IGF2BP3: variants seen among roughly 807,000 people sequenced by gnomAD.
The protein encoded by IGF2BP3 is insulin like growth factor 2 mRNA binding protein 3, also known as insulin-like growth factor 2 mRNA-binding protein 3.
IGF2BP3 carries 9 observed loss-of-function variants against 73.8 expected under a neutral mutation model. That is an observed-to-expected ratio of 0.12 (90% CI 0.07 to 0.21). The LOEUF is 0.21. Among genes scored for constraint, IGF2BP3 ranks in the 10% least tolerant of loss-of-function variants. The pLI is 1.00. For missense variants in IGF2BP3, 542 were observed against 714.0 expected (o/e 0.76, Z 2.75); for synonymous variants, 258 against 256.7 (o/e 1.01, Z -0.05).
intron 3 of IGF2BP3, among the ~76,000 whole-genome samples, chr7:23,412,344 T>C (rs1270317111): frequency 6.6e-6 from 1 of 152,214 alleles, no homozygotes; most frequent in East Asian, 1.9e-4. Flanking sequence ...CCTCACTTAA[T>C]ACTCATCTTC....
chr7:23,336,922 T>A (rs950361720), intron 10 of IGF2BP3, among the ~76,000 whole-genome samples: 3 of 150,992 alleles, frequency 2.0e-5, no homozygotes, highest in African/African-American at 7.3e-5. Context: ...CACTCCACCC[T>A]GGGTGACAGG....
Position 23,418,878 on chromosome 7 carries a change from T to C in IGF2BP3, c.237-54A>G, listed in dbSNP as rs1787267053. ...AGAAAAAAACATAAAAGCAAAACAATAATAGCCAACATGGAAGTTTAGAAA... is the reference window on the plus strand; with the variant it reads ...AGAAAAAAACATAAAAGCAAAACAACAATAGCCAACATGGAAGTTTAGAAA... On this transcript the variant is annotated intron_variant, in intron 2 of 14. Coordinates refer to ENST00000258729, the MANE Select transcript of IGF2BP3 (RefSeq NM_006547.3). The C allele has an allele frequency of 5.2e-6, 6 of 1,152,406 alleles. No individual in the cohort carries two copies. The Admixed American group carries it at 8.6e-5, about 16-fold the overall frequency. 71.4% of individuals were successfully genotyped at this position (1,152,406 alleles called of 1,614,324 possible). A position where few individuals can be genotyped will look rare whatever the true frequency, so the allele number is the denominator to read the frequency against.
intron 2 of IGF2BP3, among the ~76,000 whole-genome samples, chr7:23,453,247 AAAC>A (rs1271778239): frequency 6.6e-6 from 1 of 152,258 alleles, no homozygotes; most frequent in Non-Finnish European, 1.5e-5. Flanking sequence ...AAGCACTTTT[AAAC>A]AAGAAGAAAA....
At chr7:23,375,994 T>C (rs1196952423) in intron 3 of IGF2BP3, among the ~76,000 whole-genome samples, 1 of 152,200 alleles carries the variant, frequency 6.6e-6, no homozygotes. Flanking sequence ...GAATTGAATT[T>C]AGCATGAGCA....
chr7:23,335,437 C>A (rs569523176), intron 10 of IGF2BP3, among the ~76,000 whole-genome samples: 1 of 151,924 alleles, frequency 6.6e-6, no homozygotes, highest in South Asian at 2.1e-4. Flanking sequence ...AAGGCCACCA[C>A]CCCCGGCTAA....
At chr7:23,345,384 A>G (rs1452805927) in intron 8 of IGF2BP3, among the ~76,000 whole-genome samples, 2 of 152,228 alleles carry the variant, frequency 1.3e-5, no homozygotes, top group Admixed American at 6.5e-5. Context: ...AGGCTATGTC[A>G]TAAAAGACAT....
At chr7:23,427,911 G>A (rs1787557546) in intron 2 of IGF2BP3, among the ~76,000 whole-genome samples, 1 of 152,200 alleles carries the variant, frequency 6.6e-6, no homozygotes, top group African/African-American at 2.4e-5. Flanking sequence ...GGAGGCTGAG[G>A]CAGAGAATTG....
chr7:23,356,027 AG>A (rs980713497), intron 5 of IGF2BP3, among the ~76,000 whole-genome samples: 22 of 152,174 alleles, frequency 1.4e-4, no homozygotes, highest in Admixed American at 2.6e-4. Flanking sequence ...CTTGAGGAAG[AG>A]GGGGAAAGAG....
intron 3 of IGF2BP3, among the ~76,000 whole-genome samples, chr7:23,388,659 A>G (rs117679878): frequency 0.015 from 1,734 of 116,016 alleles, 22 homozygotes; most frequent in Admixed American, 0.05. Flanking sequence ...AAGGGAGGAG[A>G]TTTTTAGCAG....
Position 23,342,099 on chromosome 7 carries a change from G to C in IGF2BP3, c.1168C>G (p.Pro390Ala). Residue 390 changes from proline (P) to alanine (A), a missense_variant, in exon 10 of 15, where the codon CCT becomes GCT. Physicochemically the swap from Pro to Ala is conservative, Grantham distance 27. Coordinates refer to ENST00000258729, the MANE Select transcript of IGF2BP3 (RefSeq NM_006547.3). ...SGMPPPTSGP[P>A]SAMTPPYPQF... ...GGGTAGGGAGGAGTCATGGCTGAAGGGGGCCCTGAGGTGGGAGGTGGCATC... is the reference window on the plus strand; with the variant it reads ...GGGTAGGGAGGAGTCATGGCTGAAGCGGGCCCTGAGGTGGGAGGTGGCATC... 1 of 1,602,522 alleles carries C rather than the reference G, an allele frequency of 6.2e-7. No individual in the cohort carries two copies. The highest frequency in any genetic ancestry group is 8.5e-7 in the Non-Finnish European group (1 of 1,176,544).
At chr7:23,376,540 GAA>G (rs763360484) in intron 3 of IGF2BP3, among the ~76,000 whole-genome samples, 4 of 88,666 alleles carry the variant, frequency 4.5e-5, no homozygotes, top group Admixed American at 2.6e-4. Context: ...ATCTCCCAAA[GAA>G]AAAAAAAAAA....
intron 3 of IGF2BP3, chr7:23,404,947 T>G (rs370344346): frequency 2.0e-5 from 3 of 151,948 alleles, no homozygotes; most frequent in Non-Finnish European, 4.4e-5. Context: ...AAACTGGAGG[T>G]AGAAAGACAG....
At chr7:23,320,555 C>T (rs199360) in intron 10 of IGF2BP3, among the ~76,000 whole-genome samples, 6,003 of 151,188 alleles carry the variant, frequency 0.04, 189 homozygotes, top group South Asian at 0.1. Context: ...AAAAACACTT[C>T]CAAGGATAAG....
chr7:23,322,612 A>G (rs1025825214), intron 10 of IGF2BP3, among the ~76,000 whole-genome samples: 2 of 152,186 alleles, frequency 1.3e-5, no homozygotes, highest in East Asian at 1.9e-4. Context: ...TCCAAGACAC[A>G]TAATTGTCAG....
At chr7:23,322,393 C>T (rs1355233207) in intron 10 of IGF2BP3, among the ~76,000 whole-genome samples, 1 of 152,136 alleles carries the variant, frequency 6.6e-6, no homozygotes, top group Non-Finnish European at 1.5e-5. Context: ...AAGAAACGAG[C>T]AAAGCCTCCA....
chr7:23,398,290 A>G (rs895723596), intron 3 of IGF2BP3, among the ~76,000 whole-genome samples: 1 of 151,952 alleles, frequency 6.6e-6, no homozygotes, highest in Non-Finnish European at 1.5e-5. Flanking sequence ...TATGTGCCAC[A>G]TTTTCTTAAT....
chr7:23,400,716 C>T (rs1345025298), intron 3 of IGF2BP3, among the ~76,000 whole-genome samples: 1 of 152,260 alleles, frequency 6.6e-6, no homozygotes, highest in Admixed American at 6.5e-5. Context: ...CACAAGCACA[C>T]ACCAAAGCCA....
intron 5 of IGF2BP3, among the ~76,000 whole-genome samples, chr7:23,360,804 C>T (rs11983775): frequency 0.049 from 7,448 of 152,244 alleles, 309 homozygotes; most frequent in South Asian, 0.11. Context: ...GTAGGTAGTT[C>T]AGGCTTCCAT....
intron 2 of IGF2BP3, among the ~76,000 whole-genome samples, chr7:23,425,366 T>C (rs571736941): frequency 6.6e-6 from 1 of 152,242 alleles, no homozygotes; most frequent in Non-Finnish European, 1.5e-5. Context: ...GTTTACTACA[T>C]AGAATTAGAT....
Sources: gnomAD v4.1 joint callset for allele counts (sites outside exome capture counted in the v4.1 genomes callset) on GRCh38, gnomAD v4.1.1 for gene constraint, MANE v1.5 for transcripts, NCBI Gene and HGNC (gene_info 2026-07-23, HGNC 2026-07-21) for gene names.